The following NIPAL2 variants were observed in gnomAD, a reference collection of about 807,000 sequenced individuals.
NIPAL2 encodes the protein NIPA like domain containing 2.
In NIPAL2, 43 loss-of-function variants were observed where a neutral mutation model predicts 48.9. That is an observed-to-expected ratio of 0.88 (90% confidence interval 0.69 to 1.13). The LOEUF (loss-of-function observed/expected upper bound fraction) is 1.13, where lower values mean the gene tolerates loss of function less well. Ranked by LOEUF, NIPAL2 falls within the 50% of genes most tolerant of loss-of-function variation. The pLI, the probability that NIPAL2 is intolerant of heterozygous loss-of-function variation, is 0.00. For missense variants in NIPAL2, 446 were observed against 461.4 expected (o/e 0.97, Z 0.31); for synonymous variants, 167 against 174.6 (o/e 0.96, Z 0.34).
chr8:98,270,638 T>C (rs1040046389), intron 1 of NIPAL2, among the ~76,000 whole-genome samples: 1 of 152,136 alleles, frequency 6.6e-6, no homozygotes, highest in Non-Finnish European at 1.5e-5. Flanking sequence ...AGTATTTTTT[T>C]CTTTCTATAG....
chr8:98,223,018 G>A (rs766010345), intron 4 of NIPAL2, among the ~76,000 whole-genome samples: 8 of 152,164 alleles, frequency 5.3e-5, no homozygotes, highest in Non-Finnish European at 1.0e-4. Flanking sequence ...ACAGTCCAGA[G>A]GACAGGGAAA....
chr8:98,250,263 C>T (rs1335191591), intron 3 of NIPAL2, among the ~76,000 whole-genome samples: 1 of 152,114 alleles, frequency 6.6e-6, no homozygotes, highest in African/African-American at 2.4e-5. Context: ...ATAAATGATA[C>T]AGAAAAAAAG....
At chr8:98,263,068 C>G (rs1310552717) in intron 1 of NIPAL2, among the ~76,000 whole-genome samples, 4 of 149,794 alleles carry the variant, frequency 2.7e-5, no homozygotes, top group Non-Finnish European at 4.4e-5. Context: ...TAAAGATGTT[C>G]TTTGAAACCA....
At chr8:98,270,770 C>T (rs1815079256) in intron 1 of NIPAL2, among the ~76,000 whole-genome samples, 2 of 151,222 alleles carry the variant, frequency 1.3e-5, no homozygotes, top group South Asian at 4.1e-4. Flanking sequence ...AATTCTTTGC[C>T]TAGGCCAATT....
intron 1 of NIPAL2, among the ~76,000 whole-genome samples, chr8:98,265,909 T>C (rs1263979583): frequency 6.6e-6 from 1 of 151,444 alleles, no homozygotes; most frequent in Admixed American, 6.6e-5. Context: ...TAGACTGGAT[T>C]AAGAAAATGT....
intron 9 of NIPAL2, among the ~76,000 whole-genome samples, chr8:98,195,128 G>A (rs543721464): frequency 1.3e-5 from 2 of 152,192 alleles, no homozygotes; most frequent in African/African-American, 4.8e-5. Flanking sequence ...ATCCATTTCT[G>A]GCATGTGACA....
chr8:98,273,815 A>C (rs149156028), intron 1 of NIPAL2, among the ~76,000 whole-genome samples: 1 of 152,166 alleles, frequency 6.6e-6, no homozygotes, highest in Admixed American at 6.5e-5. Context: ...TAATATATGA[A>C]AGTACCACTA....
intron 6 of NIPAL2, among the ~76,000 whole-genome samples, chr8:98,207,199 A>C (rs1421718405): frequency 6.6e-6 from 1 of 152,236 alleles, no homozygotes; most frequent in African/African-American, 2.4e-5. Context: ...AGGACCTTAA[A>C]GGTCATCTGA....
intron 3 of NIPAL2, among the ~76,000 whole-genome samples, chr8:98,236,851 C>CAAAAAAAAAAAA (rs34210829): frequency 9.0e-5 from 6 of 66,896 alleles, no homozygotes; most frequent in Admixed American, 2.3e-4. Context: ...GATCCTGTCT[C>CAAAAAAAAAAAA]AAAAAAAAAA....
chr8:98,237,344 A>G (rs1812771883), intron 3 of NIPAL2, among the ~76,000 whole-genome samples: 1 of 151,958 alleles, frequency 6.6e-6, no homozygotes, highest in South Asian at 2.1e-4. Context: ...AATCCACCGC[A>G]ACCAGCCTTA....
At chr8:98,230,734 C>T (rs994988920) in intron 4 of NIPAL2, among the ~76,000 whole-genome samples, 3 of 152,196 alleles carry the variant, frequency 2.0e-5, no homozygotes, top group African/African-American at 4.8e-5. Flanking sequence ...AGGAAAACAC[C>T]CCAGAATCAG....
intron 1 of NIPAL2, among the ~76,000 whole-genome samples, chr8:98,274,109 G>A (rs1299341822): frequency 6.6e-6 from 1 of 151,986 alleles, no homozygotes; most frequent in Non-Finnish European, 1.5e-5. Context: ...ATCAACATTT[G>A]CTTTATGACC....
rs192869678 is a variant in NIPAL2, at chr8:98,275,181, T to C, written c.135+18822A>G. On this transcript the variant is annotated intron_variant, in intron 1 of 10. Coordinates refer to ENST00000430223, the MANE Select transcript of NIPAL2 (RefSeq NM_001321635.2). ...ATATATGAACCCATTTGTGTGTGTG[T>C]GTGTAACCACTGCCACAATCACAAT... is the stretch of plus-strand genomic sequence containing the variant. Among the ~76,000 whole-genome samples the C allele has an allele frequency of 3.9e-5, 6 of 152,206 alleles. No individual in the cohort carries two copies. The South Asian group carries it at 6.2e-4, about 16-fold the overall frequency.
At chr8:98,233,648 G>A (rs1366588961) in intron 4 of NIPAL2, among the ~76,000 whole-genome samples, 11 of 152,182 alleles carry the variant, frequency 7.2e-5, no homozygotes, top group African/African-American at 2.7e-4. Context: ...ATCCTTTAAT[G>A]TTGAGAGCTG....
intron 1 of NIPAL2, among the ~76,000 whole-genome samples, chr8:98,263,427 TA>T (rs1454682613): frequency 6.7e-6 from 1 of 150,076 alleles, no homozygotes; most frequent in Non-Finnish European, 1.5e-5. Flanking sequence ...ATAGATGCAA[TA>T]AAAAATGATA....
chr8:98,232,095 ACATT>A lies in NIPAL2; in HGVS notation c.436+4056_436+4059del, dbSNP rs912249548. ...TCAAAGAAAATACATGTGACTTGAC[ACATT>A]TCTGAGAGGGGTTGGGGAAAAGTCC... On this transcript the variant is annotated intron_variant, in intron 4 of 10. Transcript: ENST00000430223. Among the ~76,000 whole-genome samples, 62 of 152,326 alleles carry A rather than the reference ACATT, an allele frequency of 4.1e-4. 1 individual carries two copies. The highest frequency in any genetic ancestry group is 1.2e-3 in the Admixed American group (19 of 15,298).
intron 3 of NIPAL2, among the ~76,000 whole-genome samples, chr8:98,249,370 GA>G (rs1236236340): frequency 6.6e-6 from 1 of 152,058 alleles, no homozygotes. Flanking sequence ...ACAGAAGAAA[GA>G]TGCTTCAAGA....
chr8:98,268,189 T>C (rs1814891211), intron 1 of NIPAL2, among the ~76,000 whole-genome samples: 1 of 152,228 alleles, frequency 6.6e-6, no homozygotes, highest in African/African-American at 2.4e-5. Flanking sequence ...TTCCTAGCCC[T>C]TCTCATCTAT....
At chr8:98,240,379 A>G (rs1277834853) in intron 3 of NIPAL2, among the ~76,000 whole-genome samples, 1 of 152,216 alleles carries the variant, frequency 6.6e-6, no homozygotes, top group Non-Finnish European at 1.5e-5. Flanking sequence ...TAAGCACACA[A>G]TAGTCCTAGC....
Sources: gnomAD v4.1 joint callset for allele counts (sites outside exome capture counted in the v4.1 genomes callset) on GRCh38, gnomAD v4.1.1 for gene constraint, MANE v1.5 for transcripts, NCBI Gene and HGNC (gene_info 2026-07-23, HGNC 2026-07-21) for gene names.